Variants in BCL2L11 observed in about 807,000 individuals in gnomAD.
BCL2L11 encodes the protein BCL2 like 11.
Under a neutral mutation model 20.6 loss-of-function variants are expected in BCL2L11, and 15 were observed. The observed-to-expected ratio is 0.73, with a 90% CI of 0.49 to 1.12. The LOEUF (loss-of-function observed/expected upper bound fraction) is 1.12, where lower values mean the gene tolerates loss of function less well. Ranked by LOEUF, BCL2L11 falls within the 50% of genes most tolerant of loss-of-function variation. BCL2L11 has a pLI of 0.00. For missense variants in BCL2L11, 292 were observed against 260.9 expected, an observed-to-expected ratio of 1.12 and a Z score of -0.82; for synonymous variants, 108 against 92.8, an observed-to-expected ratio of 1.16 and a Z score of -0.94.
chr2:111,157,703 G>T (rs1398717741), intron 3 of BCL2L11, among the ~76,000 whole-genome samples: 1 of 152,234 alleles, frequency 6.6e-6, no homozygotes, highest in African/African-American at 2.4e-5. Context: ...ATTCACTGGA[G>T]AAGAGATTTG....
chr2:111,125,342 C>T (rs970696986), intron 2 of BCL2L11, among the ~76,000 whole-genome samples: 2 of 152,266 alleles, frequency 1.3e-5, no homozygotes, highest in East Asian at 3.9e-4. Flanking sequence ...CTGTGTTGAT[C>T]GACTTGCTGT....
At chr2:111,160,769 C>A (rs114813592) in intron 3 of BCL2L11, among the ~76,000 whole-genome samples, 1 of 152,194 alleles carries the variant, frequency 6.6e-6, no homozygotes, top group Non-Finnish European at 1.5e-5. Context: ...TAATCTCCTT[C>A]ACCCAAATGA....
At chr2:111,124,582 G>C (rs949957708) in intron 2 of BCL2L11, among the ~76,000 whole-genome samples, 1 of 152,192 alleles carries the variant, frequency 6.6e-6, no homozygotes, top group African/African-American at 2.4e-5. Context: ...GAGCCACCGC[G>C]CATGGCCCAC....
At position 111,120,973 on chromosome 2, in the gene BCL2L11, T is replaced by TGCCGCCGCCGCC. The variant is rs1336160533; in HGVS notation, c.-224_-223insCGCCGCCGCCGC. ...GTTGGAGCTCTGCGTCCAGCGCCGC[T>TGCCGCCGCCGCC]GCCGCTGCCGCCGCCGCCGCCGCCG... On this transcript the variant is annotated 5_prime_UTR_variant, in exon 1 of 4. Transcript: ENST00000393256. 2 of 271,116 alleles carry TGCCGCCGCCGCC rather than the reference T, an allele frequency of 7.4e-6. No homozygotes were observed. The highest frequency in any genetic ancestry group is 4.6e-5 in the South Asian group (1 of 21,534). 16.8% of individuals were successfully genotyped at this position (271,116 alleles called of 1,614,324 possible). A position where few individuals can be genotyped will look rare whatever the true frequency, so the allele number is the denominator to read the frequency against.
chr2:111,163,679 C>T (rs949655688), intron 3 of BCL2L11, among the ~76,000 whole-genome samples: 1 of 152,124 alleles, frequency 6.6e-6, no homozygotes, highest in Admixed American at 6.5e-5. Context: ...TGGCGCATCA[C>T]TGCGAGACTT....
intron 3 of BCL2L11, among the ~76,000 whole-genome samples, chr2:111,155,643 T>C (rs1478582657): frequency 6.6e-6 from 1 of 152,224 alleles, no homozygotes; most frequent in East Asian, 1.9e-4. Context: ...AGTCAGGTTG[T>C]CCAGCTCAAG....
intron 1 of BCL2L11, chr2:111,122,903 C>G (rs943861812): frequency 1.0e-5 from 10 of 985,116 alleles, no homozygotes; most frequent in Non-Finnish European, 1.2e-5. Context: ...GGACGCTGCG[C>G]TCTGAAGGGA....
Position 111,164,673 on chromosome 2 carries a change from C to G in BCL2L11, c.*442C>G, listed in dbSNP as rs2150613639. The G allele has an allele frequency of 6.5e-6, 1 of 153,530 alleles. No individual in the cohort carries two copies. Among genetic ancestry groups the G allele is most frequent in the Non-Finnish European group, 1.5e-5 (1 of 68,552 alleles). 9.5% of individuals were successfully genotyped at this position (153,530 alleles called of 1,614,324 possible). A position where few individuals can be genotyped will look rare whatever the true frequency, so the allele number is the denominator to read the frequency against. On this transcript the variant is annotated 3_prime_UTR_variant, in exon 4 of 4. Coordinates refer to ENST00000393256, the MANE Select transcript of BCL2L11 (RefSeq NM_138621.5). ...GATTATGTAACCCCTGCAGTGGAAA[C>G]TGAGCCAGCTAACTTAAAAAGCTGC...
intron 2 of BCL2L11, among the ~76,000 whole-genome samples, chr2:111,130,597 T>C (rs980523491): frequency 3.9e-5 from 6 of 152,256 alleles, no homozygotes; most frequent in Non-Finnish European, 8.8e-5. Context: ...TGTGTACATT[T>C]CTTTTTCTTG....
intron 3 of BCL2L11, among the ~76,000 whole-genome samples, chr2:111,152,078 G>C (rs948657350): frequency 1.3e-5 from 2 of 152,186 alleles, no homozygotes; most frequent in African/African-American, 4.8e-5. Context: ...GGATCAAAGT[G>C]GGGAGGACAT....
chr2:111,128,523 G>C (rs2073165541), intron 2 of BCL2L11: 9 of 1,370,850 alleles, frequency 6.6e-6, no homozygotes, highest in South Asian at 1.8e-5. Flanking sequence ...CCATCATGCT[G>C]TTCTCCATAG....
At chr2:111,146,043 G>A in intron 2 of BCL2L11, 1 of 981,506 alleles carries the variant, frequency 1.0e-6, no homozygotes. Flanking sequence ...TTACAGCTTT[G>A]AAGTCACTTT....
chr2:111,135,206 G>C lies in BCL2L11; in HGVS notation c.394+11067G>C, dbSNP rs567557544. Among the ~76,000 whole-genome samples the C allele has an allele frequency of 2.5e-4, 38 of 152,168 alleles. No homozygotes were observed. The South Asian group carries it at 6.9e-3, about 28-fold the overall frequency. ...AGTAGATTTTCTCTCTCTTCAGATT[G>C]AGTAAATTCTATTGATTTTGCCTCA... On this transcript the variant is annotated intron_variant, in intron 2 of 3. Transcript: ENST00000393256.
chr2:111,151,357 TAATTC>T (rs1418580358), intron 3 of BCL2L11, among the ~76,000 whole-genome samples: 1 of 152,242 alleles, frequency 6.6e-6, no homozygotes, highest in Non-Finnish European at 1.5e-5. Context: ...ATAAAGGTAT[TAATTC>T]AGTTGATTTA....
chr2:111,163,590 T>C (rs897375623), intron 3 of BCL2L11: 3 of 152,576 alleles, frequency 2.0e-5, no homozygotes, highest in African/African-American at 7.3e-5. Flanking sequence ...AGGATGGGGG[T>C]TGACATTGCC....
At chr2:111,125,570 C>A (rs1407119341) in intron 2 of BCL2L11, among the ~76,000 whole-genome samples, 2 of 152,344 alleles carry the variant, frequency 1.3e-5, no homozygotes, top group East Asian at 1.9e-4. Flanking sequence ...AATGACATTT[C>A]TAAATACCAT....
intron 2 of BCL2L11, chr2:111,145,945 CAAGT>C (rs1344348484): frequency 1.2e-5 from 8 of 644,890 alleles, no homozygotes; most frequent in African/African-American, 2.6e-5. Flanking sequence ...TTTTTTGTAA[CAAGT>C]AAAGAGAAAG....
chr2:111,159,335 A>G (rs1054367850), intron 3 of BCL2L11, among the ~76,000 whole-genome samples: 2 of 152,180 alleles, frequency 1.3e-5, no homozygotes, highest in East Asian at 1.9e-4. Flanking sequence ...AAAACAGCAT[A>G]GGGAATGCTA....
chr2:111,123,282 C>T (rs956279523), intron 1 of BCL2L11: 1 of 985,262 alleles, frequency 1.0e-6, no homozygotes, highest in African/African-American at 1.7e-5. Context: ...GCATTTTCGG[C>T]AAACAATGGG....
Sources: gnomAD v4.1 joint callset for allele counts (sites outside exome capture counted in the v4.1 genomes callset) on GRCh38, gnomAD v4.1.1 for gene constraint, MANE v1.5 for transcripts, NCBI Gene and HGNC (gene_info 2026-07-23, HGNC 2026-07-21) for gene names.